The following INSL6 variants were observed in gnomAD, a reference collection of about 807,000 sequenced individuals.
INSL6 encodes insulin like 6.
INSL6 carries 16 observed loss-of-function variants against 9.4 expected under a neutral mutation model. That is an observed-to-expected ratio of 1.70 (90% CI 1.15 to 2.59). INSL6 has a LOEUF of 2.59. Ranked by LOEUF, INSL6 falls within the 30% of genes most tolerant of loss-of-function variation. The probability of loss-of-function intolerance (pLI) is 0.00; values close to 1 mark genes in which losing one functional copy is unlikely to be tolerated. For missense variants in INSL6, 391 were observed against 257.3 expected (o/e 1.52, Z -3.56); for synonymous variants, 154 against 96.9 (o/e 1.59, Z -3.46).
the INSL6 span, among the ~76,000 whole-genome samples, chr9:5,052,899 A>G: frequency 2.0e-5 from 3 of 152,066 alleles, no homozygotes; most frequent in Non-Finnish European, 4.4e-5. Flanking sequence ...TCTTCACTTG[A>G]TGAAAATGTG....
chr9:5,152,571 T>C (rs968203568), intron 2 of INSL6, among the ~76,000 whole-genome samples: 4 of 152,196 alleles, frequency 2.6e-5, no homozygotes, highest in Admixed American at 2.0e-4. Flanking sequence ...TAGATGCTTC[T>C]ATTTAAAAAG....
the INSL6 span, among the ~76,000 whole-genome samples, chr9:5,013,952 G>C: frequency 3.3e-5 from 5 of 152,078 alleles, no homozygotes; most frequent in South Asian, 6.2e-4. Context: ...TTATTTTTAG[G>C]TCTCTTGGCT....
At chr9:5,069,368 T>C in the INSL6 span, among the ~76,000 whole-genome samples, 1 of 152,174 alleles carries the variant, frequency 6.6e-6, no homozygotes, top group African/African-American at 2.4e-5. Flanking sequence ...AATAAGATTG[T>C]TTACTTTGGT....
chr9:5,056,112 A>G, the INSL6 span, among the ~76,000 whole-genome samples: 1 of 152,130 alleles, frequency 6.6e-6, no homozygotes. Flanking sequence ...TGACTAAAAT[A>G]TTTTATCAAC....
chr9:5,034,879 C>T, the INSL6 span, among the ~76,000 whole-genome samples: 1 of 152,044 alleles, frequency 6.6e-6, no homozygotes, highest in Non-Finnish European at 1.5e-5. Context: ...CAAGAAATAA[C>T]TGAGATCAGA....
At chr9:5,010,217 A>G in the INSL6 span, among the ~76,000 whole-genome samples, 3 of 152,152 alleles carry the variant, frequency 2.0e-5, no homozygotes, top group Non-Finnish European at 4.4e-5. Flanking sequence ...TCGTTTATAT[A>G]AACTTTTAAT....
At chr9:5,106,617 A>T in the INSL6 span, among the ~76,000 whole-genome samples, 1 of 152,206 alleles carries the variant, frequency 6.6e-6, no homozygotes, top group Admixed American at 6.5e-5. Context: ...TTACTGTGGC[A>T]CTATTCACAA....
the INSL6 span, among the ~76,000 whole-genome samples, chr9:5,026,502 A>G: frequency 6.6e-6 from 1 of 152,348 alleles, no homozygotes; most frequent in African/African-American, 2.4e-5. Flanking sequence ...TGCCGTTTCT[A>G]TCTACAGTGG....
chr9:5,001,258 C>T, the INSL6 span, among the ~76,000 whole-genome samples: 1 of 152,272 alleles, frequency 6.6e-6, no homozygotes, highest in Non-Finnish European at 1.5e-5. Flanking sequence ...GGTGAGCATC[C>T]TTTCCTTGTT....
the INSL6 span, chr9:5,081,628 T>C: frequency 2.5e-6 from 2 of 784,714 alleles, no homozygotes; most frequent in East Asian, 5.1e-5. Context: ...TTAGTATTTT[T>C]AACTCACGAT....
chr9:5,112,130 C>A, the INSL6 span: 1 of 315,368 alleles, frequency 3.2e-6, no homozygotes, highest in Non-Finnish European at 6.4e-6. Flanking sequence ...TGCAGCCACG[C>A]CATGGGCACG....
chr9:5,171,150 G>C (rs1825173027), intron 1 of INSL6, among the ~76,000 whole-genome samples: 1 of 152,160 alleles, frequency 6.6e-6, no homozygotes, highest in Non-Finnish European at 1.5e-5. Flanking sequence ...GATCAAGTTG[G>C]CTTCATGTCC....
Position 5,163,880 on chromosome 9 carries a change from G to T in INSL6, c.*33C>A. On this transcript the variant is annotated 3_prime_UTR_variant, in exon 2 of 2. Transcript: ENST00000381641. ...AAATAGAGTTAAATAAATGTATTAA[G>T]CTTTTATTAGGTTAGAAAAAATTCT... is the stretch of plus-strand genomic sequence containing the variant. The T allele has an allele frequency of 7.5e-7, 1 of 1,326,378 alleles. No individual in the cohort carries two copies. The highest frequency in any genetic ancestry group is 1.1e-6 in the Non-Finnish European group (1 of 939,296). 82.2% of individuals were successfully genotyped at this position (1,326,378 alleles called of 1,614,324 possible).
intron 2 of INSL6, among the ~76,000 whole-genome samples, chr9:5,151,349 G>A (rs1824709821): frequency 6.6e-6 from 1 of 152,004 alleles, no homozygotes; most frequent in Non-Finnish European, 1.5e-5. Context: ...TTGGAAGAAT[G>A]AAAAATAAGA....
rs1825554248 is a variant in INSL6 at position 5,185,481 on chromosome 9, A to G, written c.122T>C (p.Ile41Thr). The G allele has an allele frequency of 5.6e-6, 9 of 1,614,108 alleles. No homozygotes were observed. The highest frequency in any genetic ancestry group is 7.6e-6 in the Non-Finnish European group (9 of 1,180,014). Residue 41 changes from isoleucine (I) to threonine (T), a missense_variant, in exon 1 of 2, where the codon ATA (isoleucine) becomes ACA (threonine). Physicochemically the swap from Ile to Thr is moderately conservative, Grantham distance 89 (BLOSUM62 -1). Transcript: ENST00000381641. Reference protein sequence around the residue: ...KLCGRYLVKEIEKLCGHANWS... With the variant: ...KLCGRYLVKETEKLCGHANWS... The stretch of plus-strand genomic sequence containing the variant: ...GTTGGCATGGCCGCAGAGTTTTTCT[A>G]TTTCTTTCACCAAGTACCTGCCGCA...
At chr9:5,078,316 C>A in the INSL6 span, 1 of 1,611,506 alleles carries the variant, frequency 6.2e-7, no homozygotes, top group South Asian at 1.1e-5. Context: ...GAAGAAAACA[C>A]CCTTATTCAT....
the INSL6 span, among the ~76,000 whole-genome samples, chr9:5,017,231 A>G: frequency 6.6e-6 from 1 of 152,200 alleles, no homozygotes; most frequent in South Asian, 2.1e-4. Flanking sequence ...ACTACAACTT[A>G]AAAACCCACA....
At chr9:5,035,859 T>C in the INSL6 span, among the ~76,000 whole-genome samples, 1 of 152,138 alleles carries the variant, frequency 6.6e-6, no homozygotes, top group Admixed American at 6.5e-5. Context: ...CTATTCAACA[T>C]AGTGTTGGAA....
intron 1 of INSL6, among the ~76,000 whole-genome samples, chr9:5,171,685 T>C (rs1043391246): frequency 2.0e-5 from 3 of 152,180 alleles, no homozygotes; most frequent in Non-Finnish European, 4.4e-5. Context: ...CACACATTCC[T>C]GTATACCAAG....
Sources: allele counts gnomAD v4.1 joint callset (sites outside exome capture counted in the v4.1 genomes callset), GRCh38; gene constraint gnomAD v4.1.1; transcripts MANE v1.5; gene names NCBI Gene and HGNC (gene_info 2026-07-23, HGNC 2026-07-21).